The following STRBP variants were observed in gnomAD, a reference collection of about 807,000 sequenced individuals.
STRBP encodes spermatid perinuclear RNA-binding protein.
In STRBP, 13 loss-of-function variants were observed where a neutral mutation model predicts 80.1. That is an observed-to-expected ratio of 0.16 (90% CI 0.11 to 0.26). STRBP has a LOEUF of 0.26. Among genes scored for constraint, STRBP ranks in the 10% least tolerant of loss-of-function variants. STRBP has a pLI of 1.00. For missense variants in STRBP, 485 were observed against 815.2 expected, an observed-to-expected ratio of 0.59 and a Z score of 4.93; for synonymous variants, 284 against 291.2, an observed-to-expected ratio of 0.98 and a Z score of 0.25.
At chr9:123,154,938 C>A (rs1027528930) in intron 11 of STRBP, among the ~76,000 whole-genome samples, 1 of 152,172 alleles carries the variant, frequency 6.6e-6, no homozygotes, top group Non-Finnish European at 1.5e-5. Flanking sequence ...ATGGGAGATA[C>A]TGCAGCAGGT....
chr9:123,188,220 A>G (rs926886310), intron 2 of STRBP, among the ~76,000 whole-genome samples: 4 of 152,188 alleles, frequency 2.6e-5, no homozygotes, highest in Non-Finnish European at 4.4e-5. Flanking sequence ...TTATTGCTGA[A>G]TAATATTCTG....
At position 123,160,878 on chromosome 9, in the gene STRBP, C is replaced by T. The variant is rs1467976151; in HGVS notation, c.627+99G>A. Reference sequence around the variant, plus strand: ...CCACACTATGAGCTAGAAAGCACCCCTCATTTTATGTAGTACACAGAAACC... The same window carrying T: ...CCACACTATGAGCTAGAAAGCACCCTTCATTTTATGTAGTACACAGAAACC... On this transcript the variant is annotated intron_variant, in intron 7 of 18. Transcript: ENST00000348403. 5.2e-6 allele frequency: 5 copies of T among 955,310 alleles called. No individual in the cohort carries two copies. In the African/African-American group the frequency reaches 6.9e-5, roughly 13 times the overall value. 59.2% of individuals were successfully genotyped at this position (955,310 alleles called of 1,614,324 possible). A position where few individuals can be genotyped will look rare whatever the true frequency, so the allele number is the denominator to read the frequency against.
chr9:123,166,551 C>T lies in STRBP; in HGVS notation c.535+3351G>A, dbSNP rs1480582691. On this transcript the variant is annotated intron_variant, in intron 6 of 18. Transcript: ENST00000348403. ...GGCAAATTGCCTGAGCTCAGGAGTT[C>T]GAGGCCAGCCTGGGCAACATAGCAA... Among the ~76,000 whole-genome samples, 5 of 152,174 alleles carry T rather than the reference C, an allele frequency of 3.3e-5. No homozygotes were observed. The East Asian group carries it at 7.7e-4, about 24-fold the overall frequency.
At chr9:123,214,681 A>G (rs1346811083) in intron 2 of STRBP, among the ~76,000 whole-genome samples, 2 of 152,128 alleles carry the variant, frequency 1.3e-5, no homozygotes. Flanking sequence ...TCCCAAGTGT[A>G]ACATTAATTC....
chr9:123,193,681 G>A (rs1050168695), intron 2 of STRBP, among the ~76,000 whole-genome samples: 1 of 150,742 alleles, frequency 6.6e-6, no homozygotes, highest in African/African-American at 2.4e-5. Flanking sequence ...ACCTACAATC[G>A]CTAATGCTAC....
At chr9:123,160,222 G>A in intron 8 of STRBP, 145 bp downstream of exon 8, 1 of 484,420 alleles carries the variant, frequency 2.1e-6, no homozygotes, top group Non-Finnish European at 3.5e-6. Context: ...TTAAAAAGAT[G>A]CTTTATTTTT....
chr9:123,242,253 T>C (rs1244151260), intron 1 of STRBP, among the ~76,000 whole-genome samples: 3 of 152,246 alleles, frequency 2.0e-5, no homozygotes, highest in Non-Finnish European at 4.4e-5. Flanking sequence ...ATACTATCTC[T>C]TCATTAGAAT....
At chr9:123,132,026 A>G (rs1208884915) in intron 17 of STRBP, among the ~76,000 whole-genome samples, 1 of 152,244 alleles carries the variant, frequency 6.6e-6, no homozygotes, top group African/African-American at 2.4e-5. Flanking sequence ...ATTGTGAAGA[A>G]CTTGATTTTA....
intron 1 of STRBP, among the ~76,000 whole-genome samples, chr9:123,258,726 C>G (rs1015429977): frequency 6.6e-6 from 1 of 150,936 alleles, no homozygotes; most frequent in South Asian, 2.1e-4. Context: ...GTGTGAACCC[C>G]GGAGGCAGAG....
At chr9:123,144,796 A>G (rs2036744547) in intron 13 of STRBP, among the ~76,000 whole-genome samples, 1 of 152,228 alleles carries the variant, frequency 6.6e-6, no homozygotes, top group South Asian at 2.1e-4. Flanking sequence ...TCAAAATAGC[A>G]AATTATGGAA....
chr9:123,244,848 T>C (rs904068884), intron 1 of STRBP, among the ~76,000 whole-genome samples: 5 of 152,194 alleles, frequency 3.3e-5, no homozygotes, highest in Non-Finnish European at 7.3e-5. Context: ...CAAAAGCCCA[T>C]CCACAAATGT....
At chr9:123,262,109 T>C (rs947643917) in intron 1 of STRBP, among the ~76,000 whole-genome samples, 1 of 152,244 alleles carries the variant, frequency 6.6e-6, no homozygotes, top group African/African-American at 2.4e-5. Flanking sequence ...CATTTTCATA[T>C]TAAGGGCCAA....
At chr9:123,155,704 T>C (rs537839749) in intron 11 of STRBP, among the ~76,000 whole-genome samples, 1 of 151,734 alleles carries the variant, frequency 6.6e-6, no homozygotes. Flanking sequence ...GGTACAGTTA[T>C]TGATGAAGAC....
chr9:123,216,847 A>G (rs1218516582), intron 2 of STRBP, among the ~76,000 whole-genome samples: 1 of 152,244 alleles, frequency 6.6e-6, no homozygotes, highest in Non-Finnish European at 1.5e-5. Context: ...TCTACAAGGT[A>G]AATGTGATAC....
In STRBP at chr9:123,146,969, A is replaced by C. The variant is rs1284398279; in HGVS notation, c.1224T>G (p.Ser408=). 2 of 1,614,100 alleles carry C rather than the reference A, an allele frequency of 1.2e-6. No homozygotes were observed. Among genetic ancestry groups the C allele is most frequent in the South Asian group, 2.2e-5 (2 of 91,070 alleles). ...IRPGLQYKLL[S]QSGPVHAPVF... is the part of the protein sequence containing the mutation. The stretch of plus-strand genomic sequence containing the variant: ...CTGGGGCATGAACGGGGCCAGACTG[A>C]GATAGGAGCTTATACTGAAGCCCAG... The change falls in exon 13 of 19, where the codon TCT becomes TCG. Residue 408 remains serine, a synonymous_variant. Coordinates refer to ENST00000348403, the MANE Select transcript of STRBP (RefSeq NM_018387.5).
chr9:123,208,381 C>T (rs1000444878), intron 2 of STRBP, among the ~76,000 whole-genome samples: 5 of 152,178 alleles, frequency 3.3e-5, no homozygotes, highest in African/African-American at 1.2e-4. Flanking sequence ...CCAAGTTCTG[C>T]TTTCTCCGCA....
At chr9:123,117,493 A>C (rs2035664792), downstream of STRBP, among the ~76,000 whole-genome samples, 1 of 152,180 alleles carries the variant, frequency 6.6e-6, no homozygotes, top group South Asian at 2.1e-4. Flanking sequence ...AAGCCATCCA[A>C]GCAGGGCTTA....
At chr9:123,217,952 G>C (rs2039948564) in intron 2 of STRBP, among the ~76,000 whole-genome samples, 1 of 152,188 alleles carries the variant, frequency 6.6e-6, no homozygotes, top group African/African-American at 2.4e-5. Context: ...AATTTTAACA[G>C]ACAAGGCAGT....
intron 5 of STRBP, among the ~76,000 whole-genome samples, chr9:123,173,315 T>C (rs915066212): frequency 1.3e-5 from 2 of 152,240 alleles, no homozygotes; most frequent in Non-Finnish European, 2.9e-5. Context: ...TCTTAGTCGC[T>C]AGAAAGTATC....
Sources: allele counts gnomAD v4.1 joint callset (sites outside exome capture counted in the v4.1 genomes callset), GRCh38; gene constraint gnomAD v4.1.1; transcripts MANE v1.5; gene names NCBI Gene and HGNC (gene_info 2026-07-23, HGNC 2026-07-21).